Variants in FBXW4 observed in about 807,000 individuals in gnomAD.
The protein encoded by FBXW4 is F-box/WD repeat-containing protein 4.
Under a neutral mutation model 61.8 loss-of-function variants are expected in FBXW4, and 40 were observed. The observed-to-expected ratio is 0.65, with a 90% confidence interval of 0.50 to 0.84. The LOEUF (loss-of-function observed/expected upper bound fraction) is 0.84. FBXW4 is among the 40% of genes least tolerant of loss of function. The probability of loss-of-function intolerance (pLI) is 0.00; values close to 1 mark genes in which losing one functional copy is unlikely to be tolerated. For synonymous variants in FBXW4, 311 were observed against 313.8 expected, an observed-to-expected ratio of 0.99 and a Z score of 0.10; for missense variants, 672 against 753.8, an observed-to-expected ratio of 0.89 and a Z score of 1.27.
At chr10:101,639,389 G>C (rs771502918) in intron 5 of FBXW4, among the ~76,000 whole-genome samples, 3 of 152,190 alleles carry the variant, frequency 2.0e-5, no homozygotes, top group Non-Finnish European at 4.4e-5. Flanking sequence ...CTGTACAACA[G>C]TTCCTATCAG....
intron 5 of FBXW4, among the ~76,000 whole-genome samples, chr10:101,636,368 C>T (rs1265330573): frequency 1.4e-5 from 2 of 146,672 alleles, no homozygotes; most frequent in Non-Finnish European, 3.0e-5. Flanking sequence ...AAAAAAAGAA[C>T]CAAAAAACAA....
At chr10:101,625,280 TG>T (rs2063898908) in intron 5 of FBXW4, 2 of 184,234 alleles carry the variant, frequency 1.1e-5, no homozygotes, top group Admixed American at 1.1e-4. Flanking sequence ...TTTTAAGAGC[TG>T]GGGGAATCTG....
chr10:101,635,511 G>A (rs2063993965), intron 5 of FBXW4, among the ~76,000 whole-genome samples: 1 of 151,838 alleles, frequency 6.6e-6, no homozygotes, highest in African/African-American at 2.4e-5. Flanking sequence ...CTGATATATA[G>A]TCAAAAGATT....
chr10:101,616,547 T>G (rs2063827601), intron 6 of FBXW4, among the ~76,000 whole-genome samples: 1 of 152,070 alleles, frequency 6.6e-6, no homozygotes, highest in Non-Finnish European at 1.5e-5. Flanking sequence ...AGCAAGCATT[T>G]CTGGCTGGGG....
intron 5 of FBXW4, among the ~76,000 whole-genome samples, chr10:101,654,697 T>C (rs1269862685): frequency 6.6e-6 from 1 of 152,264 alleles, no homozygotes; most frequent in East Asian, 1.9e-4. Flanking sequence ...CAATCTGCTA[T>C]GACATCTTTT....
intron 4 of FBXW4, 65 bp downstream of exon 4, chr10:101,672,850 G>GATCTA: frequency 2.6e-6 from 4 of 1,564,338 alleles, no homozygotes; most frequent in Non-Finnish European, 3.5e-6. Context: ...GAGACTCAGG[G>GATCTA]ATCTATCCAC....
chr10:101,692,110 A>G (rs1478003057), intron 1 of FBXW4, among the ~76,000 whole-genome samples: 1 of 152,102 alleles, frequency 6.6e-6, no homozygotes, highest in Non-Finnish European at 1.5e-5. Flanking sequence ...CAGAGAGTTG[A>G]ACAGAAGTGT....
At chr10:101,646,916 A>C (rs1447466024) in intron 5 of FBXW4, among the ~76,000 whole-genome samples, 1 of 152,222 alleles carries the variant, frequency 6.6e-6, no homozygotes, top group Non-Finnish European at 1.5e-5. Context: ...TTAAAGTCCC[A>C]GTGGAGCCGG....
At chr10:101,690,608 C>T (rs1200593859) in intron 1 of FBXW4, among the ~76,000 whole-genome samples, 1 of 152,192 alleles carries the variant, frequency 6.6e-6, no homozygotes, top group African/African-American at 2.4e-5. Context: ...TAGCAAATCA[C>T]AAGGAACCAA....
intron 6 of FBXW4, among the ~76,000 whole-genome samples, chr10:101,618,537 G>A (rs1296134195): frequency 6.6e-6 from 1 of 152,144 alleles, no homozygotes; most frequent in Non-Finnish European, 1.5e-5. Flanking sequence ...TGGGAGCTTT[G>A]AGGTGGAAGT....
chr10:101,668,257 A>G (rs1050997302), intron 4 of FBXW4, among the ~76,000 whole-genome samples: 1 of 152,196 alleles, frequency 6.6e-6, no homozygotes, highest in Non-Finnish European at 1.5e-5. Context: ...GAAGTTCCAC[A>G]TTCCTCAGCG....
chr10:101,619,994 A>C (rs2134809617), intron 6 of FBXW4, among the ~76,000 whole-genome samples: 1 of 152,146 alleles, frequency 6.6e-6, no homozygotes, highest in Middle Eastern at 3.4e-3. Flanking sequence ...TACAGCTTTG[A>C]ATGTGTCCCA....
chr10:101,624,993 G>T, intron 5 of FBXW4, 183 bp from the exon 6 acceptor site: 1 of 670,478 alleles, frequency 1.5e-6, no homozygotes, highest in Non-Finnish European at 2.6e-6. Context: ...TGTGAGGGGT[G>T]TAGCCCCCAG....
intron 5 of FBXW4, among the ~76,000 whole-genome samples, chr10:101,667,189 C>T (rs1474176390): frequency 2.0e-5 from 3 of 149,894 alleles, no homozygotes; most frequent in Admixed American, 6.6e-5. Context: ...TGAGATGGCA[C>T]CACTGCACTC....
At chr10:101,681,706 G>A (rs1368687545) in intron 1 of FBXW4, among the ~76,000 whole-genome samples, 4 of 139,588 alleles carry the variant, frequency 2.9e-5, no homozygotes, top group Non-Finnish European at 6.2e-5. Context: ...GACAGAGCGA[G>A]ACTCCGTCTC....
rs747092369 is a variant in FBXW4 at position 101,694,597 on chromosome 10, G to C, written c.509C>G (p.Ala170Gly). The change falls in exon 1 of 9, where the codon GCT becomes GGT. Residue 170 changes from alanine (A) to glycine (G), a missense_variant. By Grantham distance (60) the Ala-to-Gly change is moderately conservative (BLOSUM62 0). Around this residue, in one of 5 missense-constraint regions of FBXW4, gnomAD observed 311 missense variants for 301.1 expected, o/e 1.03. Transcript: ENST00000331272. The surrounding 1 kb of genome is among the most constrained non-coding windows in gnomAD (Gnocchi z 6.0). ...AGEEEEEEEA[A>G]RESAARPAAG... is the part of the protein sequence containing the mutation. ...GGCCGGGCGGGCAGCCGACTCCCGAGCCGCCTCCTCCTCCTCCTCCTCCTC... is the reference window on the plus strand; with the variant it reads ...GGCCGGGCGGGCAGCCGACTCCCGACCCGCCTCCTCCTCCTCCTCCTCCTC... 4.8e-6 allele frequency: 7 copies of C among 1,451,286 alleles called. No homozygotes were observed. In the South Asian group the frequency reaches 9.8e-5, roughly 20 times the overall value. 89.9% of individuals were successfully genotyped at this position (1,451,286 alleles called of 1,614,324 possible).
intron 5 of FBXW4, among the ~76,000 whole-genome samples, chr10:101,642,794 G>A (rs958314277): frequency 1.3e-5 from 2 of 152,212 alleles, no homozygotes; most frequent in South Asian, 2.1e-4. Context: ...GAGCACTGGG[G>A]CCAGGGCAGT....
chr10:101,643,471 C>T (rs117980342), intron 5 of FBXW4, among the ~76,000 whole-genome samples: 3 of 152,216 alleles, frequency 2.0e-5, no homozygotes, highest in Non-Finnish European at 4.4e-5. Context: ...TACATGCAGC[C>T]GCGTTTGCTC....
intron 5 of FBXW4, among the ~76,000 whole-genome samples, chr10:101,632,233 A>C (rs1468973): frequency 0.28 from 43,001 of 151,518 alleles, 6,466 homozygotes; most frequent in African/African-American, 0.33. Context: ...CACACACGCA[A>C]CCCTCTCTCA....
Sources: allele counts gnomAD v4.1 joint callset (sites outside exome capture counted in the v4.1 genomes callset), GRCh38; gene constraint gnomAD v4.1.1; regional missense constraint gnomAD v4.1.1; non-coding constraint Gnocchi (gnomAD v3.1); transcripts MANE v1.5; gene names NCBI Gene and HGNC (gene_info 2026-07-23, HGNC 2026-07-21).